The following LAMA2 variants were observed in gnomAD, a reference collection of about 807,000 sequenced individuals.
The protein encoded by LAMA2 is laminin subunit alpha 2, also known as laminin subunit alpha-2.
LAMA2 carries 269 observed loss-of-function variants against 364.8 expected under a neutral mutation model. The observed-to-expected ratio is 0.74, with a 90% CI of 0.67 to 0.82. LAMA2 has a LOEUF of 0.82. LAMA2 is among the 40% of genes least tolerant of loss of function. The pLI is 0.00. For missense variants in LAMA2, 3,807 were observed against 3,873.2 expected (o/e 0.98, Z 0.45); for synonymous variants, 1,379 against 1,370.6 (o/e 1.01, Z -0.14).
chr6:129,391,545 C>G lies in LAMA2; in HGVS notation c.5126C>G (p.Ala1709Gly), dbSNP rs755123240. ...LNETLGTRDE[A>G]FERNLEGLQK... ...GAAACTCTAGGAACTCGAGACGAGG[C>G]CTTTGAGAGAAATTTGGAAGGGCTT... Residue 1709 changes from alanine (A) to glycine (G), a missense_variant, in exon 36 of 65, where the codon GCC becomes GGC. Around this residue, in one of 3 missense-constraint regions of LAMA2, gnomAD observed 3,333 missense variants for 3,345.7 expected, o/e 1.00. Transcript: ENST00000421865. 1.9e-6 allele frequency: 3 copies of G among 1,613,570 alleles called. No homozygotes were observed. The highest frequency in any genetic ancestry group is 2.5e-6 in the Non-Finnish European group (3 of 1,179,792).
chr6:129,396,455 A>C (rs1779623692), intron 37 of LAMA2, among the ~76,000 whole-genome samples: 1 of 152,208 alleles, frequency 6.6e-6, no homozygotes, highest in African/African-American at 2.4e-5. Context: ...AGGTGATCTT[A>C]GGAAGTGTCC....
chr6:129,427,200 A>T (rs1347031750), intron 40 of LAMA2, among the ~76,000 whole-genome samples: 1 of 152,176 alleles, frequency 6.6e-6, no homozygotes, highest in Non-Finnish European at 1.5e-5. Flanking sequence ...GTTTTGCCAT[A>T]CCGCTTTAAG....
Position 129,438,657 on chromosome 6 carries a change from C to A in LAMA2, c.5980C>A (p.His1994Asn), listed in dbSNP as rs186382094. The change falls in exon 42 of 65, where the codon CAT becomes AAT. Residue 1994 changes from histidine (H) to asparagine (N), a missense_variant. By Grantham distance (68) the His-to-Asn change is moderately conservative (BLOSUM62 1). Around this residue, in one of 3 missense-constraint regions of LAMA2, gnomAD observed 3,333 missense variants for 3,345.7 expected, o/e 1.00. Transcript: ENST00000421865. ...TTTTTTATTCGCAGAAAATGAAGAC[C>A]ATCTAAATGGCTTAAAAACCAGGAT... ...LANDVKENEDHLNGLKTRIEN... is the reference protein window; with the variant it reads ...LANDVKENEDNLNGLKTRIEN... 2.3e-5 allele frequency: 36 copies of A among 1,572,954 alleles called. No homozygotes were observed. The highest frequency in any genetic ancestry group is 3.0e-5 in the Non-Finnish European group (34 of 1,143,152).
chr6:129,124,876 TCTG>T (rs1367984470), intron 4 of LAMA2, among the ~76,000 whole-genome samples: 1 of 152,052 alleles, frequency 6.6e-6, no homozygotes, highest in Non-Finnish European at 1.5e-5. Context: ...TCCCTGAAAA[TCTG>T]CTTGCTCTAG....
chr6:129,359,501 T>C (rs1030281870), intron 32 of LAMA2, among the ~76,000 whole-genome samples: 9 of 151,844 alleles, frequency 5.9e-5, no homozygotes, highest in African/African-American at 1.9e-4. Flanking sequence ...ATAGAATGAC[T>C]AAATACATCT....
chr6:129,367,802 A>G (rs1777858956), intron 33 of LAMA2, among the ~76,000 whole-genome samples: 1 of 152,236 alleles, frequency 6.6e-6, no homozygotes, highest in African/African-American at 2.4e-5. Flanking sequence ...TAGCTTTTAC[A>G]GAAACTCCAA....
chr6:129,247,661 G>A (rs1278109170), intron 12 of LAMA2, among the ~76,000 whole-genome samples: 1 of 152,140 alleles, frequency 6.6e-6, no homozygotes, highest in Non-Finnish European at 1.5e-5. Flanking sequence ...TTAAATGGAA[G>A]TAAAACAGCT....
At chr6:128,986,334 T>C (rs1783234996) in intron 1 of LAMA2, among the ~76,000 whole-genome samples, 2 of 152,138 alleles carry the variant, frequency 1.3e-5, no homozygotes, top group Admixed American at 1.3e-4. Context: ...CCTGGTTCCT[T>C]ATAGTGAAAA....
At chr6:129,491,487 A>G (rs1468728299) in intron 56 of LAMA2, among the ~76,000 whole-genome samples, 1 of 152,206 alleles carries the variant, frequency 6.6e-6, no homozygotes, top group East Asian at 1.9e-4. Flanking sequence ...AGCTCTCAGG[A>G]GCATGGTTTG....
chr6:129,379,126 T>A (rs960137395), intron 34 of LAMA2, among the ~76,000 whole-genome samples: 7 of 152,170 alleles, frequency 4.6e-5, no homozygotes, highest in Admixed American at 2.0e-4. Flanking sequence ...AAATACTGTA[T>A]GTCCCACTTA....
chr6:129,482,556 G>T (rs1444616446), intron 55 of LAMA2, among the ~76,000 whole-genome samples: 1 of 152,134 alleles, frequency 6.6e-6, no homozygotes, highest in African/African-American at 2.4e-5. Flanking sequence ...ACATACCCTT[G>T]TAAACCAGAT....
intron 35 of LAMA2, 69 bp from the exon 36 acceptor site, chr6:129,391,422 T>C (rs1455332628): frequency 7.7e-7 from 1 of 1,304,232 alleles, no homozygotes; most frequent in Non-Finnish European, 1.1e-6. Context: ...GCCCAGCAGA[T>C]GCTGAATACC....
In LAMA2 at chr6:129,203,614, G is replaced by T. The variant is rs151254038; in HGVS notation, c.1782+10761G>T. On this transcript the variant is annotated intron_variant, in intron 12 of 64. Transcript: ENST00000421865. ...TCATAAAGAACCAATCCTGCTGACA[G>T]CTTGATCTCACATAGCAAAATAATA... 2.9e-3 allele frequency among the ~76,000 whole-genome samples: 439 copies of T among 152,338 alleles called. 2 individuals are homozygous for T. Among genetic ancestry groups the T allele is most frequent in the African/African-American group, 0.01 (423 of 41,582 alleles).
At chr6:128,943,229 A>G (rs915713639) in intron 1 of LAMA2, among the ~76,000 whole-genome samples, 15 of 151,840 alleles carry the variant, frequency 9.9e-5, no homozygotes, top group Non-Finnish European at 1.3e-4. Flanking sequence ...ACATACACGC[A>G]CATATAAATA....
chr6:129,163,963 C>T (rs769546206), intron 8 of LAMA2, among the ~76,000 whole-genome samples: 4 of 152,178 alleles, frequency 2.6e-5, no homozygotes, highest in Non-Finnish European at 5.9e-5. Flanking sequence ...ACAGAACTTA[C>T]GTTGACTTCC....
chr6:129,099,793 G>A (rs1775412999), intron 4 of LAMA2, among the ~76,000 whole-genome samples: 1 of 151,918 alleles, frequency 6.6e-6, no homozygotes, highest in Non-Finnish European at 1.5e-5. Context: ...TACCAGTTTT[G>A]GGGAAAAACA....
At chr6:128,980,494 A>G (rs1244336162) in intron 1 of LAMA2, among the ~76,000 whole-genome samples, 1 of 152,206 alleles carries the variant, frequency 6.6e-6, no homozygotes, top group Non-Finnish European at 1.5e-5. Context: ...TGTGTGAAAA[A>G]TAAATCACTT....
At chr6:129,172,159 C>A (rs1780207574) in intron 9 of LAMA2, among the ~76,000 whole-genome samples, 1 of 151,948 alleles carries the variant, frequency 6.6e-6, no homozygotes, top group Non-Finnish European at 1.5e-5. Context: ...TCGTCTGAAG[C>A]CTTCTTCTCT....
intron 3 of LAMA2, among the ~76,000 whole-genome samples, chr6:129,095,478 CG>C (rs986164542): frequency 4.6e-5 from 7 of 152,088 alleles, no homozygotes; most frequent in African/African-American, 1.7e-4. Flanking sequence ...CTCTAAGAAA[CG>C]TTTTTATATT....
Sources: gnomAD v4.1 joint callset for allele counts (sites outside exome capture counted in the v4.1 genomes callset) on GRCh38, gnomAD v4.1.1 for gene constraint, gnomAD v4.1.1 regional missense constraint, MANE v1.5 for transcripts, NCBI Gene and HGNC (gene_info 2026-07-23, HGNC 2026-07-21) for gene names.